Variants in RAB7A observed in about 807,000 individuals in gnomAD.
RAB7A encodes the protein RAB7A, member RAS oncogene family.
Under a neutral mutation model 24.5 loss-of-function variants are expected in RAB7A, and 2 were observed. The ratio of observed to expected loss-of-function variants is 0.08; its 90% confidence interval spans 0.03 to 0.26. RAB7A has a LOEUF of 0.26. Among genes scored for constraint, RAB7A ranks in the 10% least tolerant of loss-of-function variants. The probability of loss-of-function intolerance (pLI) is 1.00; values close to 1 mark genes in which losing one functional copy is unlikely to be tolerated. For missense variants in RAB7A, 118 were observed against 255.7 expected (o/e 0.46, Z 3.67); for synonymous variants, 100 against 95.9 (o/e 1.04, Z -0.25).
intron 1 of RAB7A, chr3:128,749,531 A>G (rs929047446): frequency 1.3e-5 from 2 of 152,228 alleles, no homozygotes; most frequent in South Asian, 2.1e-4. Context: ...ACCCTGCTAC[A>G]TGGTGACTGA....
intron 1 of RAB7A, among the ~76,000 whole-genome samples, chr3:128,756,933 T>A (rs1429196573): frequency 6.6e-6 from 1 of 150,676 alleles, no homozygotes; most frequent in African/African-American, 2.4e-5. Flanking sequence ...AAACTCCACC[T>A]CGTGGGTTCA....
intron 5 of RAB7A, among the ~76,000 whole-genome samples, chr3:128,809,936 C>CTTGTTTTTTTTTT (rs1933887093): frequency 1.9e-5 from 1 of 52,260 alleles, no homozygotes; most frequent in Non-Finnish European, 3.4e-5. Flanking sequence ...TTGCCACAGT[C>CTTGTTTTTTTTTT]TTTTTTTTTT....
intron 1 of RAB7A, among the ~76,000 whole-genome samples, chr3:128,774,263 C>T (rs912000765): frequency 2.7e-5 from 4 of 150,620 alleles, no homozygotes; most frequent in Admixed American, 1.3e-4. Context: ...TCTGACTCCC[C>T]TAGGAGTGAC....
chr3:128,731,947 G>T (rs753635214), intron 1 of RAB7A, among the ~76,000 whole-genome samples: 1 of 149,956 alleles, frequency 6.7e-6, no homozygotes, highest in Non-Finnish European at 1.5e-5. Context: ...GGAGCTTGCA[G>T]TGAGCCGGGA....
chr3:128,726,588 G>C (rs1261180821), intron 1 of RAB7A, among the ~76,000 whole-genome samples: 1 of 152,170 alleles, frequency 6.6e-6, no homozygotes, highest in Non-Finnish European at 1.5e-5. Context: ...TGCCCGCCCC[G>C]GCCACCCGTC....
chr3:128,812,995 T>G (rs898346138), intron 5 of RAB7A, among the ~76,000 whole-genome samples: 2 of 152,236 alleles, frequency 1.3e-5, no homozygotes, highest in East Asian at 3.8e-4. Context: ...CTGAACTGGA[T>G]GTGGTAGAGC....
chr3:128,728,872 T>G (rs543543506), intron 1 of RAB7A, among the ~76,000 whole-genome samples: 29 of 152,212 alleles, frequency 1.9e-4, no homozygotes, highest in Non-Finnish European at 3.7e-4. Flanking sequence ...GCTGGATTTT[T>G]TTCTTCAGCT....
At chr3:128,764,279 C>T (rs974070258) in intron 1 of RAB7A, among the ~76,000 whole-genome samples, 1 of 151,810 alleles carries the variant, frequency 6.6e-6, no homozygotes, top group East Asian at 1.9e-4. Context: ...AGCTTTGCTA[C>T]CGACAACTTT....
intron 3 of RAB7A, among the ~76,000 whole-genome samples, chr3:128,805,101 A>G (rs1455443359): frequency 6.6e-6 from 1 of 151,918 alleles, no homozygotes; most frequent in African/African-American, 2.4e-5. Context: ...CCTGTGTGGG[A>G]GGATGCCAAG....
rs146135583 is a variant in RAB7A, at chr3:128,765,847, C to T, written c.-8-29513C>T. On this transcript the variant is annotated intron_variant, in intron 1 of 5. Coordinates refer to ENST00000265062, the MANE Select transcript of RAB7A (RefSeq NM_004637.6). ...CTCAGTCTCGGCTCACTGCAACCTC[C>T]GCCTCCCAGGTTCAAGTGATTTTCC... 8.9e-4 allele frequency among the ~76,000 whole-genome samples: 136 copies of T among 152,054 alleles called. 1 individual carries two copies. Among genetic ancestry groups the T allele is most frequent in the African/African-American group, 3.1e-3 (128 of 41,484 alleles).
chr3:128,730,321 C>T (rs1295807979), intron 1 of RAB7A, among the ~76,000 whole-genome samples: 2 of 151,974 alleles, frequency 1.3e-5, no homozygotes, highest in African/African-American at 4.8e-5. Flanking sequence ...GCTCCACCTT[C>T]CAGATTCATG....
intron 5 of RAB7A, among the ~76,000 whole-genome samples, chr3:128,809,871 A>G (rs1479319446): frequency 7.0e-6 from 1 of 141,922 alleles, no homozygotes; most frequent in Admixed American, 7.3e-5. Context: ...TGTCCATGCC[A>G]TGTTCCCTTA....
intron 1 of RAB7A, among the ~76,000 whole-genome samples, chr3:128,789,327 C>CT (rs10575679): frequency 0.026 from 3,484 of 131,666 alleles, 80 homozygotes; most frequent in African/African-American, 0.061. Context: ...ACTTTGTAGC[C>CT]TTTTTTTTTT....
intron 1 of RAB7A, among the ~76,000 whole-genome samples, chr3:128,732,745 T>C (rs984062669): frequency 6.6e-6 from 1 of 152,176 alleles, no homozygotes; most frequent in African/African-American, 2.4e-5. Context: ...GAGGATCACT[T>C]GATTCCAGGA....
At chr3:128,803,012 G>A (rs1440617518) in intron 3 of RAB7A, among the ~76,000 whole-genome samples, 1 of 152,112 alleles carries the variant, frequency 6.6e-6, no homozygotes. Flanking sequence ...GTTTCACCAT[G>A]TTGGCCAGGC....
chr3:128,755,908 T>C (rs1390362953), intron 1 of RAB7A, among the ~76,000 whole-genome samples: 1 of 152,140 alleles, frequency 6.6e-6, no homozygotes, highest in East Asian at 1.9e-4. Flanking sequence ...CCTAATGCTA[T>C]CCCTCCCCCC....
At chr3:128,774,859 A>T (rs1273300490) in intron 1 of RAB7A, among the ~76,000 whole-genome samples, 1 of 152,032 alleles carries the variant, frequency 6.6e-6, no homozygotes, top group Middle Eastern at 3.2e-3. Context: ...GGCTTGAGCC[A>T]CCGCACCTGG....
intron 1 of RAB7A, among the ~76,000 whole-genome samples, chr3:128,762,108 A>C (rs2070779965): frequency 6.6e-6 from 1 of 152,206 alleles, no homozygotes; most frequent in South Asian, 2.1e-4. Context: ...AATTGTTTTA[A>C]TATTTTACCA....
chr3:128,728,775 A>AT lies in RAB7A; in HGVS notation c.-9+2423dup, dbSNP rs528418474. Among the ~76,000 whole-genome samples, 33 of 152,194 alleles carry AT rather than the reference A, an allele frequency of 2.2e-4. No individual in the cohort carries two copies. In the South Asian group the frequency reaches 2.7e-3, roughly 12 times the overall value. ...ACTGCGCCCGGCCGACTCTGGTAGC[A>AT]TTTTTTTGTTCACTCAAGAGGTAGT... On this transcript the variant is annotated intron_variant, in intron 1 of 5. Transcript: ENST00000265062.
Sources: gnomAD v4.1 joint callset for allele counts (sites outside exome capture counted in the v4.1 genomes callset) on GRCh38, gnomAD v4.1.1 for gene constraint, MANE v1.5 for transcripts, NCBI Gene and HGNC (gene_info 2026-07-23, HGNC 2026-07-21) for gene names.